CNTNAP2: variants seen among roughly 807,000 people sequenced by gnomAD.
CNTNAP2 encodes the protein contactin associated protein 2, also known as contactin-associated protein-like 2.
A neutral mutation model predicts 155.2 loss-of-function variants in CNTNAP2; 98 were observed. That is an observed-to-expected ratio of 0.63 (90% CI 0.54 to 0.75). The LOEUF is 0.75. Ranked by LOEUF, CNTNAP2 falls within the 30% of genes least tolerant of loss-of-function variation. The pLI, the probability that CNTNAP2 is intolerant of heterozygous loss-of-function variation, is 0.00. For missense variants in CNTNAP2, 1,727 were observed against 1,688.1 expected, an observed-to-expected ratio of 1.02 and a Z score of -0.40; for synonymous variants, 651 against 631.2, an observed-to-expected ratio of 1.03 and a Z score of -0.47.
rs200782315 is a variant in CNTNAP2 at position 147,442,437 on chromosome 7, A to G, written c.1671-43498A>G. 5.7e-4 allele frequency among the ~76,000 whole-genome samples: 87 copies of G among 152,242 alleles called. No homozygotes were observed. The East Asian group carries it at 0.017, about 29-fold the overall frequency. On this transcript the variant is annotated intron_variant, in intron 10 of 23. Transcript: ENST00000361727. ...CCCCTCTGACCCTGGAAATGTTTAG[A>G]AATTTCATCCAGGAGCCAAGTGCTG...
intron 15 of CNTNAP2, among the ~76,000 whole-genome samples, chr7:147,994,031 C>T (rs952684761): frequency 6.6e-6 from 1 of 152,154 alleles, no homozygotes; most frequent in African/African-American, 2.4e-5. Flanking sequence ...CACACACACA[C>T]ACATGCAGAT....
At chr7:146,590,962 T>A (rs933244481) in intron 1 of CNTNAP2, among the ~76,000 whole-genome samples, 1 of 152,182 alleles carries the variant, frequency 6.6e-6, no homozygotes, top group Non-Finnish European at 1.5e-5. Flanking sequence ...GACATGTGAC[T>A]AAGCATAAGA....
At chr7:146,653,945 C>T (rs554377428) in intron 1 of CNTNAP2, among the ~76,000 whole-genome samples, 45 of 152,016 alleles carry the variant, frequency 3.0e-4, no homozygotes, top group African/African-American at 1.1e-3. Flanking sequence ...TTATTACTGC[C>T]CTCTTGTAAG....
intron 5 of CNTNAP2, among the ~76,000 whole-genome samples, chr7:147,120,710 A>G (rs944345706): frequency 6.6e-6 from 1 of 151,826 alleles, no homozygotes; most frequent in Non-Finnish European, 1.5e-5. Context: ...TATACATGTG[A>G]CATGCTGGTG....
intron 1 of CNTNAP2, among the ~76,000 whole-genome samples, chr7:146,558,419 C>T (rs1294319903): frequency 2.0e-5 from 3 of 151,834 alleles, no homozygotes; most frequent in African/African-American, 7.3e-5. Flanking sequence ...TTTTTTTTAA[C>T]CACTTTATTT....
intron 13 of CNTNAP2, among the ~76,000 whole-genome samples, chr7:147,718,573 T>C (rs1418333519): frequency 6.6e-6 from 1 of 152,112 alleles, no homozygotes; most frequent in Non-Finnish European, 1.5e-5. Context: ...ACATAGCAAG[T>C]TCAAAAAGCA....
chr7:147,375,650 G>A (rs1428923177), intron 9 of CNTNAP2, among the ~76,000 whole-genome samples: 1 of 151,956 alleles, frequency 6.6e-6, no homozygotes, highest in Non-Finnish European at 1.5e-5. Context: ...CTGGCATTGA[G>A]TGGTGTAGCT....
intron 21 of CNTNAP2, among the ~76,000 whole-genome samples, chr7:148,327,849 G>A (rs1052198977): frequency 1.1e-4 from 16 of 151,618 alleles, no homozygotes; most frequent in African/African-American, 3.6e-4. Flanking sequence ...GCCCTGCACC[G>A]CCCCCACCCC....
intron 3 of CNTNAP2, among the ~76,000 whole-genome samples, chr7:146,860,766 A>G (rs1562976828): frequency 6.6e-6 from 1 of 152,234 alleles, no homozygotes; most frequent in Middle Eastern, 3.4e-3. Context: ...AAAACGCATT[A>G]TTGACATTCT....
intron 1 of CNTNAP2, among the ~76,000 whole-genome samples, chr7:146,163,585 C>CTATCTATATATA (rs1354076042): frequency 1.1e-5 from 1 of 91,224 alleles, no homozygotes; most frequent in African/African-American, 4.0e-5. Flanking sequence ...ATCTATCTAT[C>CTATCTATATATA]TATATATATA....
intron 8 of CNTNAP2, among the ~76,000 whole-genome samples, chr7:147,226,732 T>A (rs1472248947): frequency 6.6e-6 from 1 of 152,202 alleles, no homozygotes; most frequent in South Asian, 2.1e-4. Context: ...CCCAGAACTA[T>A]CCTCTTCACT....
intron 3 of CNTNAP2, among the ~76,000 whole-genome samples, chr7:146,878,253 G>A (rs1005280216): frequency 6.6e-6 from 1 of 151,972 alleles, no homozygotes; most frequent in African/African-American, 2.4e-5. Flanking sequence ...TTGACTTCTT[G>A]TCCTTGATCT....
chr7:147,254,577 T>C (rs1041314681), intron 8 of CNTNAP2, among the ~76,000 whole-genome samples: 1 of 152,214 alleles, frequency 6.6e-6, no homozygotes, highest in African/African-American at 2.4e-5. Flanking sequence ...AAACTTTTAG[T>C]TAAATGTGTG....
intron 15 of CNTNAP2, among the ~76,000 whole-genome samples, chr7:148,072,703 G>A (rs985622806): frequency 2.0e-5 from 3 of 151,952 alleles, no homozygotes; most frequent in African/African-American, 7.3e-5. Flanking sequence ...TCTTTGTTGT[G>A]GACTGTCTTT....
chr7:148,039,869 A>T (rs950884190), intron 15 of CNTNAP2, among the ~76,000 whole-genome samples: 5 of 152,180 alleles, frequency 3.3e-5, no homozygotes, highest in African/African-American at 1.2e-4. Context: ...TTTCCTCACA[A>T]ACCAATTCAG....
chr7:147,849,301 A>G (rs1428537919), intron 13 of CNTNAP2, among the ~76,000 whole-genome samples: 1 of 152,072 alleles, frequency 6.6e-6, no homozygotes, highest in Non-Finnish European at 1.5e-5. Context: ...TAATATACCA[A>G]CAGATTGAGT....
intron 3 of CNTNAP2, among the ~76,000 whole-genome samples, chr7:146,987,774 T>C (rs1238342008): frequency 1.3e-5 from 2 of 152,152 alleles, no homozygotes; most frequent in Non-Finnish European, 2.9e-5. Flanking sequence ...GGAAAGTTAC[T>C]TAACAATGAT....
intron 10 of CNTNAP2, among the ~76,000 whole-genome samples, chr7:147,464,699 G>T (rs1409504571): frequency 2.0e-5 from 3 of 152,162 alleles, no homozygotes; most frequent in Non-Finnish European, 4.4e-5. Flanking sequence ...GAAGTGAACA[G>T]ATGTGGATTT....
At chr7:148,197,302 A>C (rs940323913) in intron 18 of CNTNAP2, among the ~76,000 whole-genome samples, 2 of 152,192 alleles carry the variant, frequency 1.3e-5, no homozygotes, top group Non-Finnish European at 1.5e-5. Flanking sequence ...CCTACTTGTT[A>C]GATTATTTAT....
Sources: gnomAD v4.1 joint callset for allele counts (sites outside exome capture counted in the v4.1 genomes callset) on GRCh38, gnomAD v4.1.1 for gene constraint, MANE v1.5 for transcripts, NCBI Gene and HGNC (gene_info 2026-07-23, HGNC 2026-07-21) for gene names.